The following CLMP variants were observed in gnomAD, a reference collection of about 807,000 sequenced individuals.
CLMP encodes the protein CXADR-like membrane protein.
A neutral mutation model predicts 45.2 loss-of-function variants in CLMP; 27 were observed. The observed-to-expected ratio is 0.60, with a 90% CI of 0.44 to 0.82. CLMP has a LOEUF of 0.82. CLMP is among the 40% of genes least tolerant of loss of function. CLMP has a pLI of 0.00. For synonymous variants in CLMP, 167 were observed against 171.4 expected (o/e 0.97, Z 0.20); for missense variants, 403 against 448.4 (o/e 0.90, Z 0.91).
chr11:123,158,038 T>C (rs943474350), intron 1 of CLMP, among the ~76,000 whole-genome samples: 1 of 152,182 alleles, frequency 6.6e-6, no homozygotes, highest in African/African-American at 2.4e-5. Flanking sequence ...TCCCAGGCTT[T>C]CACACACATT....
rs186225026 is a variant in CLMP at position 123,123,092 on chromosome 11, T to C, written c.29-25140A>G. Among the ~76,000 whole-genome samples the C allele has an allele frequency of 4.4e-3, 676 of 152,104 alleles. 4 individuals carry two copies. The highest frequency in any genetic ancestry group is 0.016 in the African/African-American group (657 of 41,498). On this transcript the variant is annotated intron_variant, in intron 1 of 6. Transcript: ENST00000448775. ...AAAAATATTTGTTTAAATCTTTCGC[T>C]TTCTCTGTGGTCTTTAAAAGCCACT...
intron 1 of CLMP, among the ~76,000 whole-genome samples, chr11:123,104,273 G>T (rs572512226): frequency 4.6e-4 from 69 of 149,194 alleles, no homozygotes; most frequent in Non-Finnish European, 3.0e-5. Context: ...TAGAGATGGG[G>T]TTTCTCCATG....
chr11:123,181,479 A>T (rs188261984), intron 1 of CLMP, among the ~76,000 whole-genome samples: 90 of 152,222 alleles, frequency 5.9e-4, no homozygotes, highest in African/African-American at 2.0e-3. Flanking sequence ...CATCTCCCTT[A>T]CTATCTTTTC....
intron 1 of CLMP, among the ~76,000 whole-genome samples, chr11:123,170,134 C>A (rs1047754917): frequency 6.6e-6 from 1 of 152,068 alleles, no homozygotes; most frequent in African/African-American, 2.4e-5. Flanking sequence ...ACTTTTAACC[C>A]CAAGAGATGA....
rs1865683723 is a variant in CLMP at position 123,072,501 on chromosome 11, A to G, written c.*973T>C. The G allele has an allele frequency of 6.6e-6, 1 of 152,144 alleles. No homozygotes were observed. Among genetic ancestry groups the G allele is most frequent in the South Asian group, 2.1e-4 (1 of 4,830 alleles). The allele number at this position is 152,144 out of a possible 1,614,324, so 9.4% of individuals were successfully genotyped here. On this transcript the variant is annotated 3_prime_UTR_variant, in exon 7 of 7. Transcript: ENST00000448775. ...CCCTTTCTAGTCCACCCAGTCTTGCAATTCTGGTTTCACATTTTCTCAGAA... is the reference window on the plus strand; with the variant it reads ...CCCTTTCTAGTCCACCCAGTCTTGCGATTCTGGTTTCACATTTTCTCAGAA...
chr11:123,153,151 C>A (rs112873339), intron 1 of CLMP, among the ~76,000 whole-genome samples: 9,205 of 152,254 alleles, frequency 0.06, 308 homozygotes, highest in Middle Eastern at 0.078. Flanking sequence ...CGATGGAACT[C>A]CCAAGGTTTC....
At chr11:123,090,010 A>G (rs1315807948) in intron 2 of CLMP, among the ~76,000 whole-genome samples, 1 of 150,434 alleles carries the variant, frequency 6.6e-6, no homozygotes, top group Non-Finnish European at 1.5e-5. Context: ...AGGCAGGAGA[A>G]CCTGGGAGGC....
At chr11:123,133,134 G>T (rs1370772254) in intron 1 of CLMP, among the ~76,000 whole-genome samples, 1 of 152,160 alleles carries the variant, frequency 6.6e-6, no homozygotes, top group Non-Finnish European at 1.5e-5. Context: ...TATGTTCAGG[G>T]AAAGACGGGA....
In CLMP at chr11:123,158,162, C is replaced by G. The variant is rs114175711; in HGVS notation, c.28+36751G>C. On this transcript the variant is annotated intron_variant, in intron 1 of 6. Transcript: ENST00000448775. ...CCCCTATTGCACGGTTAGGCTGGGG[C>G]TCTAATATTGGCCACTGGTCTGCAC... Among the ~76,000 whole-genome samples, 288 of 152,288 alleles carry G rather than the reference C, an allele frequency of 1.9e-3. 1 individual carries two copies. Among genetic ancestry groups the G allele is most frequent in the African/African-American group, 6.7e-3 (280 of 41,570 alleles).
chr11:123,156,987 C>A (rs1198354670), intron 1 of CLMP, among the ~76,000 whole-genome samples: 1 of 152,172 alleles, frequency 6.6e-6, no homozygotes, highest in Admixed American at 6.6e-5. Flanking sequence ...GGAACAGAAA[C>A]ACTGAGGGAT....
intron 1 of CLMP, among the ~76,000 whole-genome samples, chr11:123,116,101 T>C (rs896614174): frequency 2.6e-5 from 4 of 151,906 alleles, no homozygotes; most frequent in Non-Finnish European, 4.4e-5. Context: ...GGGTAGGTGA[T>C]GCAAAAAAGA....
chr11:123,166,227 G>A (rs1861554866), intron 1 of CLMP, among the ~76,000 whole-genome samples: 1 of 152,032 alleles, frequency 6.6e-6, no homozygotes, highest in African/African-American at 2.4e-5. Context: ...GTTGGATGTA[G>A]CGAGGTTTCT....
chr11:123,133,745 C>G (rs780391766), intron 1 of CLMP, among the ~76,000 whole-genome samples: 1 of 152,138 alleles, frequency 6.6e-6, no homozygotes, highest in African/African-American at 2.4e-5. Flanking sequence ...ATATGAGAGG[C>G]AACCTCCTTA....
chr11:123,077,514 A>G (rs1460319461), intron 5 of CLMP, among the ~76,000 whole-genome samples: 2 of 152,042 alleles, frequency 1.3e-5, no homozygotes, highest in Admixed American at 6.6e-5. Context: ...TATTTTTAGT[A>G]GAGATGGGAT....
intron 1 of CLMP, among the ~76,000 whole-genome samples, chr11:123,143,728 G>A (rs1036481028): frequency 6.6e-6 from 1 of 152,040 alleles, no homozygotes; most frequent in Non-Finnish European, 1.5e-5. Context: ...GCATTTCAAC[G>A]ACTTGCATGT....
intron 1 of CLMP, among the ~76,000 whole-genome samples, chr11:123,174,393 C>G (rs1861672975): frequency 6.6e-6 from 1 of 152,198 alleles, no homozygotes; most frequent in African/African-American, 2.4e-5. Flanking sequence ...GAAGGGATGG[C>G]ATAGGCAAAG....
chr11:123,182,791 C>T (rs950849205), intron 1 of CLMP, among the ~76,000 whole-genome samples: 38 of 152,154 alleles, frequency 2.5e-4, no homozygotes, highest in Non-Finnish European at 2.9e-5. Flanking sequence ...TTCAAAGACG[C>T]AAGAAAGGCT....
intron 1 of CLMP, among the ~76,000 whole-genome samples, chr11:123,106,418 T>C (rs925955836): frequency 3.5e-4 from 36 of 103,366 alleles, no homozygotes; most frequent in African/African-American, 1.1e-3. Flanking sequence ...TGTGTGTGTG[T>C]GTGTGTGCGC....
At chr11:123,112,525 T>C (rs1192997067) in intron 1 of CLMP, among the ~76,000 whole-genome samples, 1 of 151,198 alleles carries the variant, frequency 6.6e-6, no homozygotes, top group Admixed American at 6.6e-5. Flanking sequence ...TCAGTAGAGA[T>C]GGGGTTTCAC....
Sources: gnomAD v4.1 joint callset for allele counts (sites outside exome capture counted in the v4.1 genomes callset) on GRCh38, gnomAD v4.1.1 for gene constraint, MANE v1.5 for transcripts, NCBI Gene and HGNC (gene_info 2026-07-23, HGNC 2026-07-21) for gene names.